NLRX1: variants seen among roughly 807,000 people sequenced by gnomAD.
NLRX1 encodes the protein NLR family member X1.
Under a neutral mutation model 74.2 loss-of-function variants are expected in NLRX1, and 67 were observed. The ratio of observed to expected loss-of-function variants is 0.90; its 90% CI spans 0.74 to 1.11. NLRX1 has a LOEUF of 1.11. NLRX1 is among the 50% of genes least tolerant of loss of function. The pLI, the probability that NLRX1 is intolerant of heterozygous loss-of-function variation, is 0.00. For synonymous variants in NLRX1, 506 were observed against 559.1 expected, an observed-to-expected ratio of 0.91 and a Z score of 1.34; for missense variants, 1,191 against 1,305.4, an observed-to-expected ratio of 0.91 and a Z score of 1.35.
In NLRX1 at chr11:119,174,524, TGA is replaced by T; in HGVS notation, c.924_925del (p.Glu308AspfsTer6). ...IPSKYVGRYG[E>X]ICGFSDTNLQ... is the part of the protein sequence containing the mutation. ...CCAGCAAGTACGTGGGCCGCTATGGTGAGATCTGCGGTTTCTCTGATACCAAC... is the reference window on the plus strand; with the variant it reads ...CCAGCAAGTACGTGGGCCGCTATGGTGATCTGCGGTTTCTCTGATACCAAC... On this transcript the variant is annotated frameshift_variant, in exon 6 of 10. Coordinates refer to ENST00000409109, the MANE Select transcript of NLRX1 (RefSeq NM_001282144.2). LOFTEE classifies it high-confidence loss of function. 6.2e-7 allele frequency: 1 copy of T among 1,614,184 alleles called. No individual in the cohort carries two copies.
At position 119,173,500 on chromosome 11, in the gene NLRX1, G is replaced by A. The variant is rs149205824; in HGVS notation, c.251G>A (p.Arg84Gln). The A allele has an allele frequency of 8.1e-6, 13 of 1,613,652 alleles. No individual in the cohort carries two copies. The highest frequency in any genetic ancestry group is 2.2e-5 in the East Asian group (1 of 44,880). ...TCAGAAGCTATACAGCGGCACCGCC[G>A]GAACCTGGCTGAGTGGTTCAGCCGG... ...SATEAIQRHR[R>Q]NLAEWFSRLP... The change falls in exon 5 of 10, where the codon CGG becomes CAG. Residue 84 changes from arginine (R) to glutamine (Q), a missense_variant. Arg to Gln is a conservative substitution (Grantham distance 43, BLOSUM62 1). Transcript: ENST00000409109. The surrounding 1 kb of genome is among the most constrained non-coding windows in gnomAD (Gnocchi z 4.0).
rs1592322375 is a variant in NLRX1 at position 119,173,033 on chromosome 11, A to G, written c.229+44A>G. 5.3e-6 allele frequency: 8 copies of G among 1,506,624 alleles called. No homozygotes were observed. In the African/African-American group the frequency reaches 5.5e-5, roughly 10 times the overall value. The allele number at this position is 1,506,624 out of a possible 1,614,324, so 93.3% of individuals were successfully genotyped here. On this transcript the variant is annotated intron_variant, in intron 4 of 9. Transcript: ENST00000409109. This position sits in a 1 kb window ranked among gnomAD's most constrained non-coding sequence, Gnocchi z 4.0. ...ACCCTGGTCAGGGGGTGTGGTGGGC[A>G]GACGGGGCTGGAAGGAGAAGCAGGG...
At chr11:119,174,271 A>C (rs1302255996) in intron 5 of NLRX1, among the ~76,000 whole-genome samples, 173 bp downstream of exon 5, 1 of 152,234 alleles carries the variant, frequency 6.6e-6, no homozygotes, top group Non-Finnish European at 1.5e-5. Flanking sequence ...CAAATGGGGT[A>C]CTGCATATAA....
At chr11:119,174,178 C>T in intron 5 of NLRX1, 80 bp downstream of exon 5, 1 of 1,517,996 alleles carries the variant, frequency 6.6e-7, no homozygotes, top group South Asian at 1.3e-5. Context: ...AACTCCTGGT[C>T]CCTTCACTTC....
Position 119,173,947 on chromosome 11 carries a change from C to G in NLRX1, c.698C>G (p.Ala233Gly), listed in dbSNP as rs1214912762. The change falls in exon 5 of 10, where the codon GCT (alanine) becomes GGT (glycine). Residue 233 changes from alanine (A) to glycine (G), a missense_variant. Transcript: ENST00000409109. This position sits in a 1 kb window ranked among gnomAD's most constrained non-coding sequence, Gnocchi z 4.0. ...LKEVLPLMAA[A>G]GSHLLFVLHG... ...GAGGTTCTGCCCCTGATGGCTGCTG[C>G]TGGGTCCCACCTCCTCTTTGTGCTC... is the stretch of plus-strand genomic sequence containing the variant. The G allele has an allele frequency of 7.4e-6, 12 of 1,614,046 alleles. No individual in the cohort carries two copies. The highest frequency in any genetic ancestry group is 1.0e-5 in the Non-Finnish European group (12 of 1,180,036).
chr11:119,172,266 A>AT, intron 2 of NLRX1, 90 bp from the exon 3 acceptor site: 1 of 978,936 alleles, frequency 1.0e-6, no homozygotes, highest in East Asian at 2.4e-5. Context: ...ACATGCTGCT[A>AT]TGAGAGCAAA....
chr11:119,172,612 G>A (rs1456074192), intron 3 of NLRX1, among the ~76,000 whole-genome samples, 187 bp downstream of exon 3: 9 of 152,170 alleles, frequency 5.9e-5, no homozygotes, highest in African/African-American at 2.2e-4. Context: ...GTGGTAGAAG[G>A]CATAGTAGTC....
Position 119,183,805 on chromosome 11 carries a change from A to C in NLRX1, c.*366A>C. The C allele has an allele frequency of 1.3e-6, 1 of 780,674 alleles. No homozygotes were observed. Among genetic ancestry groups the C allele is most frequent in the Non-Finnish European group, 2.4e-6 (1 of 417,908 alleles). 48.4% of individuals were successfully genotyped at this position (780,674 alleles called of 1,614,324 possible). ...TGTGTCACCAAGGGGCTCACATCTT[A>C]TGTCTGCCATGCCAGGGGTGTCGCC... On this transcript the variant is annotated 3_prime_UTR_variant, in exon 10 of 10. Transcript: ENST00000409109. This position sits in a 1 kb window ranked among gnomAD's most constrained non-coding sequence, Gnocchi z 5.7.
Position 119,181,268 on chromosome 11 carries a change from T to C in NLRX1, c.2354+11T>C. 6.2e-7 allele frequency: 1 copy of C among 1,609,010 alleles called. No individual in the cohort carries two copies. ...AATTACCACACTGCGGTGAGTGACC[T>C]GGGAGTGGGGCATCCTGGTGGCCAG... is the stretch of plus-strand genomic sequence containing the variant. On this transcript the variant is annotated intron_variant, in intron 8 of 9. Transcript: ENST00000409109.
At chr11:119,171,727 C>T (rs1165097306) in intron 2 of NLRX1, among the ~76,000 whole-genome samples, 2 of 151,824 alleles carry the variant, frequency 1.3e-5, no homozygotes, top group East Asian at 3.9e-4. Flanking sequence ...CCGAGGCAGG[C>T]GGATCACAAG....
intron 3 of NLRX1, 85 bp from the exon 4 acceptor site, chr11:119,172,816 C>T: frequency 1.0e-6 from 1 of 957,670 alleles, no homozygotes; most frequent in Non-Finnish European, 1.7e-6. Flanking sequence ...AGAAGTCTAG[C>T]AGTGCAGATA....
In NLRX1 at chr11:119,181,162, C is replaced by T. The variant is rs1243401435; in HGVS notation, c.2268-9C>T. 1 of 1,612,092 alleles carries T rather than the reference C, an allele frequency of 6.2e-7. No homozygotes were observed. The highest frequency in any genetic ancestry group is 1.1e-5 in the South Asian group (1 of 91,038). On this transcript the variant is annotated splice_polypyrimidine_tract_variant and intron_variant, in intron 7 of 9. Coordinates refer to ENST00000409109, the MANE Select transcript of NLRX1 (RefSeq NM_001282144.2). ...CTCTCACCTCCCCTCTGGCCACCTT[C>T]TGCTCCAGCTTGCAACTCAACAGCC...
chr11:119,178,091 C>T (rs1362956585), intron 6 of NLRX1: 2 of 152,118 alleles, frequency 1.3e-5, no homozygotes, highest in Non-Finnish European at 2.9e-5. Flanking sequence ...TCGCTTGAGC[C>T]TAAGAGTTAA....
Position 119,173,178 on chromosome 11 carries a change from T to A in NLRX1, c.229+189T>A. 1.6e-6 allele frequency: 1 copy of A among 621,512 alleles called. No homozygotes were observed. The highest frequency in any genetic ancestry group is 2.9e-6 in the Non-Finnish European group (1 of 350,640). 38.5% of individuals were successfully genotyped at this position (621,512 alleles called of 1,614,324 possible). On this transcript the variant is annotated intron_variant, in intron 4 of 9. Transcript: ENST00000409109. The surrounding 1 kb of genome is among the most constrained non-coding windows in gnomAD (Gnocchi z 4.0). ...AATACTCTTGCAATGCACACTTATA[T>A]GTACAAAGCGCTAGGAGAGCCATAC...
In NLRX1 at chr11:119,179,696, G is replaced by A; in HGVS notation, c.1675G>A (p.Val559Ile). 6.3e-7 allele frequency: 1 copy of A among 1,575,094 alleles called. No individual in the cohort carries two copies. Among genetic ancestry groups the A allele is most frequent in the Non-Finnish European group, 8.6e-7 (1 of 1,160,070 alleles). ...LPLLFNLIKV[V>I]PRVFGRMVGK... ...CTCTCCCCTGCTTCTTTTTCAGGTGGTTCCACGAGTGTTTGGGCGCATGGT... is the reference window on the plus strand; with the variant it reads ...CTCTCCCCTGCTTCTTTTTCAGGTGATTCCACGAGTGTTTGGGCGCATGGT... Residue 559 changes from valine (V) to isoleucine (I), a missense_variant, in exon 7 of 10, where the codon GTT becomes ATT. Coordinates refer to ENST00000409109, the MANE Select transcript of NLRX1 (RefSeq NM_001282144.2).
Position 119,174,732 on chromosome 11 carries a change from G to C in NLRX1, c.1129G>C (p.Val377Leu). Residue 377 changes from valine to leucine, a missense_variant, in exon 6 of 10, where the codon GTT (valine) becomes CTT (leucine). Coordinates refer to ENST00000409109, the MANE Select transcript of NLRX1 (RefSeq NM_001282144.2). Reference sequence around the variant, plus strand: ...CTTCCTGCCGTCCTATTGCTGGCTCGTTTGTGCCACCTTGCACTTCCTGCA... The same window carrying C: ...CTTCCTGCCGTCCTATTGCTGGCTCCTTTGTGCCACCTTGCACTTCCTGCA... Reference protein sequence around the residue: ...ACFLPSYCWLVCATLHFLHAP... With the variant: ...ACFLPSYCWLLCATLHFLHAP... The C allele has an allele frequency of 6.2e-7, 1 of 1,613,798 alleles. No homozygotes were observed. Among genetic ancestry groups the C allele is most frequent in the Non-Finnish European group, 8.5e-7 (1 of 1,180,028 alleles).
In NLRX1 at chr11:119,180,805, C is replaced by T. The variant is rs574689542; in HGVS notation, c.2268-366C>T. ...CCTGTAATCCCACTGCTTTGGGAGG[C>T]CAAGGCAGAAGCATCACTTGAGCCT... On this transcript the variant is annotated intron_variant, in intron 7 of 9. Coordinates refer to ENST00000409109, the MANE Select transcript of NLRX1 (RefSeq NM_001282144.2). 3.3e-5 allele frequency among the ~76,000 whole-genome samples: 5 copies of T among 151,988 alleles called. No individual in the cohort carries two copies. The South Asian group carries it at 1.0e-3, about 32-fold the overall frequency.
At chr11:119,175,859 G>A (rs988134313) in intron 6 of NLRX1, among the ~76,000 whole-genome samples, 3 of 152,230 alleles carry the variant, frequency 2.0e-5, no homozygotes, top group African/African-American at 7.2e-5. Flanking sequence ...ACAGCTGAGC[G>A]AGGTCTTTGA....
chr11:119,170,392 A>G (rs543687062), intron 1 of NLRX1, among the ~76,000 whole-genome samples: 7 of 152,248 alleles, frequency 4.6e-5, no homozygotes, highest in African/African-American at 1.7e-4. Context: ...GGGAAGAAAG[A>G]TTTGAAGAGA....
Sources: gnomAD v4.1 joint callset for allele counts (sites outside exome capture counted in the v4.1 genomes callset) on GRCh38, gnomAD v4.1.1 for gene constraint, Gnocchi (gnomAD v3.1) non-coding constraint, MANE v1.5 for transcripts, NCBI Gene and HGNC (gene_info 2026-07-23, HGNC 2026-07-21) for gene names.